The following GLIS3 variants were observed in gnomAD, a reference collection of about 807,000 sequenced individuals.
The protein encoded by GLIS3 is GLIS family zinc finger 3.
A neutral mutation model predicts 78.6 loss-of-function variants in GLIS3; 53 were observed. That is an observed-to-expected ratio of 0.67 (90% CI 0.54 to 0.85). GLIS3 has a LOEUF of 0.85. Among genes scored for constraint, GLIS3 ranks in the 40% least tolerant of loss-of-function variants. GLIS3 has a pLI of 0.00. For synonymous variants in GLIS3, 684 were observed against 509.9 expected, an observed-to-expected ratio of 1.34 and a Z score of -4.60; for missense variants, 1,703 against 1,231.1, an observed-to-expected ratio of 1.38 and a Z score of -5.74.
At chr9:3,926,663 G>T (rs1825279205) in intron 6 of GLIS3, among the ~76,000 whole-genome samples, 1 of 150,186 alleles carries the variant, frequency 6.7e-6, no homozygotes, top group African/African-American at 2.5e-5. Flanking sequence ...TGTCACCCAG[G>T]CTGGAGTGCA....
chr9:4,284,174 C>T (rs1827789736), intron 2 of GLIS3, among the ~76,000 whole-genome samples: 1 of 152,190 alleles, frequency 6.6e-6, no homozygotes, highest in East Asian at 1.9e-4. Context: ...GACCTTAGTT[C>T]CCTTATCAGT....
At chr9:4,133,858 A>ACACACACTCT (rs1833173148) in intron 2 of GLIS3, among the ~76,000 whole-genome samples, 1 of 95,056 alleles carries the variant, frequency 1.1e-5, no homozygotes, top group Non-Finnish European at 2.2e-5. Context: ...ACACACACAC[A>ACACACACTCT]CACACACACA....
chr9:4,277,130 T>C (rs984060543), intron 2 of GLIS3, among the ~76,000 whole-genome samples: 3 of 152,236 alleles, frequency 2.0e-5, no homozygotes, highest in Non-Finnish European at 4.4e-5. Context: ...ATTATCCCAG[T>C]TCTAACATGG....
At chr9:4,308,278 A>C (rs1347780971) in intron 4 of GLIS3, among the ~76,000 whole-genome samples, 1 of 152,162 alleles carries the variant, frequency 6.6e-6, no homozygotes, top group African/African-American at 2.4e-5. Flanking sequence ...AGGAGAAAGA[A>C]GAAATAAGAG....
At chr9:4,090,238 C>T (rs1288713315) in intron 4 of GLIS3, among the ~76,000 whole-genome samples, 1 of 152,164 alleles carries the variant, frequency 6.6e-6, no homozygotes, top group Admixed American at 6.5e-5. Flanking sequence ...CACTAGATTT[C>T]TCCTTAGTGC....
intron 4 of GLIS3, among the ~76,000 whole-genome samples, chr9:3,971,002 G>A (rs904905850): frequency 5.3e-5 from 8 of 151,744 alleles, no homozygotes; most frequent in African/African-American, 1.7e-4. Flanking sequence ...AGGGAGGGAC[G>A]GAGAGAAGGA....
rs558267139 is a variant in GLIS3, at chr9:4,128,690, G to C, written c.389-2749C>G. Among the ~76,000 whole-genome samples the C allele has an allele frequency of 2.6e-5, 4 of 152,280 alleles. No individual in the cohort carries two copies. In the South Asian group the frequency reaches 8.3e-4, roughly 32 times the overall value. ...ATCTGAATGGAATATGAAGTCAGTG[G>C]GGGTAGTAATTATAAATCCATCTTC... is the stretch of plus-strand genomic sequence containing the variant. On this transcript the variant is annotated intron_variant, in intron 2 of 10. Transcript: ENST00000381971.
chr9:4,335,141 C>G (rs569742516), intron 2 of GLIS3, among the ~76,000 whole-genome samples: 1 of 152,028 alleles, frequency 6.6e-6, no homozygotes, highest in South Asian at 2.1e-4. Context: ...ATCTCCTGAC[C>G]TCGTGATCCA....
chr9:3,991,942 G>C (rs185002008), intron 4 of GLIS3, among the ~76,000 whole-genome samples: 9 of 151,982 alleles, frequency 5.9e-5, no homozygotes, highest in Admixed American at 1.3e-4. Context: ...CGCCCGCCTC[G>C]GCCTCCCAAA....
chr9:4,010,443 T>G (rs1422724482), intron 4 of GLIS3, among the ~76,000 whole-genome samples: 1 of 152,128 alleles, frequency 6.6e-6, no homozygotes, highest in East Asian at 1.9e-4. Flanking sequence ...CCAGGAATAC[T>G]CCATATCTCC....
At chr9:4,018,530 G>C (rs972907423) in intron 4 of GLIS3, among the ~76,000 whole-genome samples, 1 of 152,098 alleles carries the variant, frequency 6.6e-6, no homozygotes, top group African/African-American at 2.4e-5. Flanking sequence ...AAAAGGTAAG[G>C]GGCTTCACAG....
chr9:4,086,821 A>T (rs1157298962), intron 4 of GLIS3, among the ~76,000 whole-genome samples: 1 of 152,172 alleles, frequency 6.6e-6, no homozygotes. Context: ...CCCTGTGGAG[A>T]TTAATCTCTT....
At chr9:4,397,024 C>CTTTTTTTTT in the GLIS3 span, among the ~76,000 whole-genome samples, 70 of 121,190 alleles carry the variant, frequency 5.8e-4, no homozygotes, top group South Asian at 8.2e-4. Context: ...TTCTTTTTTT[C>CTTTTTTTTT]TTTTTTTTTT....
chr9:4,139,981 T>C (rs546282011), intron 2 of GLIS3, among the ~76,000 whole-genome samples: 9 of 152,184 alleles, frequency 5.9e-5, no homozygotes, highest in Admixed American at 1.3e-4. Flanking sequence ...GGGACTTTTT[T>C]TTCAGTATGT....
chr9:4,093,199 A>AT (rs778224162), intron 4 of GLIS3, among the ~76,000 whole-genome samples: 8 of 151,990 alleles, frequency 5.3e-5, no homozygotes, highest in Non-Finnish European at 1.2e-4. Flanking sequence ...CAGAGTCATG[A>AT]TTTAAATCCA....
intron 1 of GLIS3, among the ~76,000 whole-genome samples, chr9:4,347,756 G>T (rs1034078880): frequency 6.6e-6 from 1 of 151,870 alleles, no homozygotes; most frequent in Non-Finnish European, 1.5e-5. Context: ...GTGGGGGTTG[G>T]GGGAGTCTAT....
intron 3 of GLIS3, among the ~76,000 whole-genome samples, chr9:4,119,260 T>A (rs1832001887): frequency 6.6e-6 from 1 of 152,190 alleles, no homozygotes; most frequent in South Asian, 2.1e-4. Context: ...ACCAAATAAG[T>A]ATTTGTTGAG....
chr9:4,470,457 A>G, the GLIS3 span, among the ~76,000 whole-genome samples: 1 of 152,364 alleles, frequency 6.6e-6, no homozygotes, highest in East Asian at 1.9e-4. Flanking sequence ...AACATATGCA[A>G]ATCAATAAAT....
the GLIS3 span, among the ~76,000 whole-genome samples, chr9:4,420,522 T>G: frequency 1.6e-4 from 24 of 152,208 alleles, 1 homozygote; most frequent in South Asian, 5.0e-3. Flanking sequence ...GCCAATAAAC[T>G]CGGGGGTAAG....
Sources: allele counts gnomAD v4.1 joint callset (sites outside exome capture counted in the v4.1 genomes callset), GRCh38; gene constraint gnomAD v4.1.1; transcripts MANE v1.5; gene names NCBI Gene and HGNC (gene_info 2026-07-23, HGNC 2026-07-21).